The following BMPR1B variants were observed in gnomAD, a reference collection of about 807,000 sequenced individuals.
BMPR1B encodes the protein bone morphogenetic protein receptor type 1B.
A neutral mutation model predicts 59.1 loss-of-function variants in BMPR1B; 12 were observed. The ratio of observed to expected loss-of-function variants is 0.20; its 90% CI spans 0.13 to 0.33. BMPR1B has a LOEUF of 0.33. Among genes scored for constraint, BMPR1B ranks in the 10% least tolerant of loss-of-function variants. The pLI is 1.00. For missense variants in BMPR1B, 550 were observed against 610.9 expected (o/e 0.90, Z 1.05); for synonymous variants, 237 against 207.3 (o/e 1.14, Z -1.23).
chr4:94,862,734 A>G (rs550339957), intron 1 of BMPR1B, among the ~76,000 whole-genome samples: 150 of 151,650 alleles, frequency 9.9e-4, no homozygotes, highest in Middle Eastern at 3.4e-3. Flanking sequence ...TCATGAGGTC[A>G]GGAGATCGAG....
intron 2 of BMPR1B, among the ~76,000 whole-genome samples, chr4:94,987,028 C>G (rs564838986): frequency 2.4e-3 from 217 of 91,220 alleles, no homozygotes; most frequent in African/African-American, 8.3e-3. Context: ...GCGACAGAGC[C>G]AGACTCTGTC....
At chr4:95,063,938 T>G (rs1405407020) in intron 3 of BMPR1B, among the ~76,000 whole-genome samples, 1 of 152,028 alleles carries the variant, frequency 6.6e-6, no homozygotes, top group Admixed American at 6.6e-5. Flanking sequence ...ATATGACATA[T>G]CACATTATAG....
intron 3 of BMPR1B, among the ~76,000 whole-genome samples, chr4:95,076,592 A>C (rs930490006): frequency 7.2e-5 from 11 of 152,088 alleles, no homozygotes; most frequent in Non-Finnish European, 1.3e-4. Flanking sequence ...CAGATGAGGA[A>C]ATGAAAGTTC....
chr4:94,841,094 C>G (rs1725046389), intron 1 of BMPR1B, among the ~76,000 whole-genome samples: 1 of 148,732 alleles, frequency 6.7e-6, no homozygotes, highest in Non-Finnish European at 1.5e-5. Flanking sequence ...GGGTCAGGGA[C>G]CCACTTGAGG....
At chr4:94,854,441 A>C (rs1216351581) in intron 1 of BMPR1B, among the ~76,000 whole-genome samples, 1 of 152,164 alleles carries the variant, frequency 6.6e-6, no homozygotes, top group Non-Finnish European at 1.5e-5. Context: ...GTGACTCAGA[A>C]ACAACAAGGG....
chr4:94,921,920 C>A (rs748863501), intron 2 of BMPR1B, among the ~76,000 whole-genome samples: 1 of 151,710 alleles, frequency 6.6e-6, no homozygotes, highest in Non-Finnish European at 1.5e-5. Context: ...GATAAATAAT[C>A]TTGGATTAGC....
chr4:95,091,520 A>G, intron 3 of BMPR1B: 1 of 985,356 alleles, frequency 1.0e-6, no homozygotes, highest in South Asian at 4.7e-5. Context: ...AGTGCTGCCT[A>G]CGGTGCTGGG....
At chr4:95,028,057 C>G (rs1388855119) in intron 3 of BMPR1B, among the ~76,000 whole-genome samples, 1 of 152,094 alleles carries the variant, frequency 6.6e-6, no homozygotes, top group Non-Finnish European at 1.5e-5. Context: ...TGGAGACATT[C>G]CTAAAGACAA....
chr4:95,108,567 A>G (rs915610826), intron 4 of BMPR1B, among the ~76,000 whole-genome samples: 1 of 152,086 alleles, frequency 6.6e-6, no homozygotes, highest in African/African-American at 2.4e-5. Flanking sequence ...ACTCCTTTTC[A>G]GTACCATTAA....
chr4:95,107,905 A>G (rs1168102323), intron 4 of BMPR1B, among the ~76,000 whole-genome samples: 1 of 152,106 alleles, frequency 6.6e-6, no homozygotes, highest in Non-Finnish European at 1.5e-5. Context: ...CACAGGGGCC[A>G]CATTTGTTTC....
intron 1 of BMPR1B, among the ~76,000 whole-genome samples, chr4:94,800,771 A>G (rs1723376620): frequency 6.6e-6 from 1 of 152,206 alleles, no homozygotes; most frequent in Non-Finnish European, 1.5e-5. Flanking sequence ...ATTATCTAAA[A>G]ATTATTTGGT....
chr4:94,886,970 A>C (rs1322008929), intron 2 of BMPR1B, among the ~76,000 whole-genome samples: 1 of 152,156 alleles, frequency 6.6e-6, no homozygotes, highest in Non-Finnish European at 1.5e-5. Context: ...AGTATGTGCT[A>C]TTTAGAGGGT....
At chr4:94,878,824 G>C (rs1306207682) in intron 2 of BMPR1B, among the ~76,000 whole-genome samples, 6 of 136,058 alleles carry the variant, frequency 4.4e-5, no homozygotes, top group Non-Finnish European at 4.7e-5. Context: ...TTTCTAGTTT[G>C]TCTATTACAG....
At chr4:95,016,491 C>T (rs1224080455) in intron 3 of BMPR1B, among the ~76,000 whole-genome samples, 2 of 152,072 alleles carry the variant, frequency 1.3e-5, no homozygotes, top group African/African-American at 4.8e-5. Context: ...TGAGAAACTA[C>T]CACTTCTTGA....
chr4:95,128,848 AG>A, intron 8 of BMPR1B, among the ~76,000 whole-genome samples: 1 of 152,264 alleles, frequency 6.6e-6, no homozygotes, highest in East Asian at 1.9e-4. Flanking sequence ...TAATCTGAAG[AG>A]GTTAAATCTA....
chr4:94,885,203 G>A (rs1415493692), intron 2 of BMPR1B, among the ~76,000 whole-genome samples: 9 of 152,162 alleles, frequency 5.9e-5, no homozygotes, highest in Admixed American at 5.2e-4. Context: ...AGACTCATGA[G>A]CAATTAATGT....
At chr4:95,026,724 A>C (rs1278031165) in intron 3 of BMPR1B, among the ~76,000 whole-genome samples, 24 of 66,142 alleles carry the variant, frequency 3.6e-4, no homozygotes, top group African/African-American at 8.3e-4. Context: ...GCCCTGCCCT[A>C]CCCTCCCCTC....
chr4:94,937,752 C>T (rs1432999407), intron 2 of BMPR1B, among the ~76,000 whole-genome samples: 2 of 131,100 alleles, frequency 1.5e-5, no homozygotes, highest in Non-Finnish European at 3.2e-5. Flanking sequence ...ACACACAATC[C>T]ATACACACTG....
chr4:94,758,425 G>A (rs1721614852), intron 1 of BMPR1B, among the ~76,000 whole-genome samples: 1 of 152,080 alleles, frequency 6.6e-6, no homozygotes, highest in Non-Finnish European at 1.5e-5. Flanking sequence ...TCGGGCTGTA[G>A]GGACGCCCCA....
Sources: gnomAD v4.1 joint callset for allele counts (sites outside exome capture counted in the v4.1 genomes callset) on GRCh38, gnomAD v4.1.1 for gene constraint, MANE v1.5 for transcripts, NCBI Gene and HGNC (gene_info 2026-07-23, HGNC 2026-07-21) for gene names.